The following WWTR1 variants were observed in gnomAD, a reference collection of about 807,000 sequenced individuals.
WWTR1 encodes WW domain containing transcription regulator 1, also known as WW domain-containing transcription regulator protein 1.
WWTR1 carries 13 observed loss-of-function variants against 40.1 expected under a neutral mutation model. The ratio of observed to expected loss-of-function variants is 0.32; its 90% CI spans 0.21 to 0.52. The LOEUF (loss-of-function observed/expected upper bound fraction) is 0.52, where lower values mean the gene tolerates loss of function less well. Ranked by LOEUF, WWTR1 falls within the 20% of genes least tolerant of loss-of-function variation. WWTR1 has a pLI of 0.97. For synonymous variants in WWTR1, 230 were observed against 210.1 expected (o/e 1.09, Z -0.82); for missense variants, 436 against 523.1 (o/e 0.83, Z 1.63).
chr3:149,629,521 C>T (rs1711501151), intron 2 of WWTR1, among the ~76,000 whole-genome samples: 1 of 152,204 alleles, frequency 6.6e-6, no homozygotes, highest in African/African-American at 2.4e-5. Flanking sequence ...CACTCCTATG[C>T]TTTGCCATTT....
At chr3:149,653,951 C>G (rs1713051901) in intron 2 of WWTR1, among the ~76,000 whole-genome samples, 1 of 152,082 alleles carries the variant, frequency 6.6e-6, no homozygotes, top group Admixed American at 6.6e-5. Context: ...ATAAAGCTCT[C>G]AACTCCCAAC....
intron 3 of WWTR1, among the ~76,000 whole-genome samples, chr3:149,549,567 A>G (rs1356229492): frequency 6.6e-6 from 1 of 152,212 alleles, no homozygotes; most frequent in Admixed American, 6.5e-5. Flanking sequence ...GCTGAGCGCC[A>G]TGGCTCACGC....
chr3:149,529,842 A>C (rs1735483905), intron 4 of WWTR1, among the ~76,000 whole-genome samples: 1 of 152,166 alleles, frequency 6.6e-6, no homozygotes, highest in South Asian at 2.1e-4. Flanking sequence ...ATCAATGGTA[A>C]ATTTCTAATA....
chr3:149,622,505 G>GAAAGAAAGAAAGA (rs1553800292), intron 2 of WWTR1, among the ~76,000 whole-genome samples: 5 of 137,522 alleles, frequency 3.6e-5, no homozygotes, highest in African/African-American at 1.4e-4. Context: ...AAGGAAGGAA[G>GAAAGAAAGAAAGA]AAAGAAAGAA....
chr3:149,639,810 G>A (rs1712046513), intron 2 of WWTR1, among the ~76,000 whole-genome samples: 2 of 151,754 alleles, frequency 1.3e-5, no homozygotes, highest in Non-Finnish European at 1.5e-5. Flanking sequence ...TGGCTAACAC[G>A]GTGAAATCCC....
intron 2 of WWTR1, among the ~76,000 whole-genome samples, chr3:149,636,989 A>AAAAAG (rs1553802418): frequency 9.3e-5 from 14 of 150,768 alleles, no homozygotes; most frequent in African/African-American, 3.4e-4. Context: ...AAAAAAAAAA[A>AAAAAG]AGAGAGAAGT....
intron 2 of WWTR1, among the ~76,000 whole-genome samples, chr3:149,665,538 A>C (rs7615481): frequency 0.39 from 59,263 of 151,936 alleles, 11,733 homozygotes; most frequent in Middle Eastern, 0.55. Flanking sequence ...AAATTTCCTA[A>C]ATATTTAAGA....
At chr3:149,618,037 C>T (rs1740075456) in intron 2 of WWTR1, among the ~76,000 whole-genome samples, 1 of 152,156 alleles carries the variant, frequency 6.6e-6, no homozygotes, top group South Asian at 2.1e-4. Flanking sequence ...ATTTTTCCCC[C>T]TTAATTAACA....
intron 3 of WWTR1, among the ~76,000 whole-genome samples, chr3:149,559,221 G>A (rs1181808220): frequency 6.8e-6 from 1 of 146,024 alleles, no homozygotes; most frequent in Non-Finnish European, 1.5e-5. Context: ...TTGAACCCAG[G>A]AGATGGAGGT....
intron 4 of WWTR1, among the ~76,000 whole-genome samples, chr3:149,530,325 G>A (rs1363305382): frequency 6.7e-6 from 1 of 149,652 alleles, no homozygotes. Flanking sequence ...TCCAGCCTGG[G>A]CGACAAAGCG....
intron 2 of WWTR1, among the ~76,000 whole-genome samples, chr3:149,629,879 C>A (rs756777278): frequency 3.3e-5 from 5 of 152,122 alleles, no homozygotes; most frequent in Non-Finnish European, 7.4e-5. Context: ...CAGGGTCATG[C>A]TCTGTCACCC....
chr3:149,701,705 G>A (rs1715184566), intron 1 of WWTR1: 1 of 175,544 alleles, frequency 5.7e-6, no homozygotes, highest in Non-Finnish European at 1.2e-5. Context: ...AGTTTCTTTG[G>A]TTAGTTTTGC....
At chr3:149,592,264 T>C (rs1738764457) in intron 2 of WWTR1, among the ~76,000 whole-genome samples, 1 of 152,252 alleles carries the variant, frequency 6.6e-6, no homozygotes, top group African/African-American at 2.4e-5. Flanking sequence ...TCATTTTATG[T>C]GTAACTTTTT....
At chr3:149,685,549 C>T (rs1332686519) in intron 1 of WWTR1, among the ~76,000 whole-genome samples, 1 of 152,192 alleles carries the variant, frequency 6.6e-6, no homozygotes, top group African/African-American at 2.4e-5. Flanking sequence ...CAACCAAAAC[C>T]TTCTTCAGGC....
chr3:149,616,303 T>C (rs148700465), intron 2 of WWTR1, among the ~76,000 whole-genome samples: 146 of 152,328 alleles, frequency 9.6e-4, no homozygotes, highest in African/African-American at 3.2e-3. Context: ...TTTCTGCCTA[T>C]GAAAATTTGA....
At chr3:149,593,593 T>C (rs1456032110) in intron 2 of WWTR1, among the ~76,000 whole-genome samples, 1 of 152,228 alleles carries the variant, frequency 6.6e-6, no homozygotes, top group Non-Finnish European at 1.5e-5. Context: ...AGCTCCCCTG[T>C]AATTGACTGC....
intron 1 of WWTR1, chr3:149,670,653 A>AG (rs1714042135): frequency 1.3e-5 from 2 of 151,034 alleles, no homozygotes; most frequent in African/African-American, 4.9e-5. Flanking sequence ...CAAAAAAAAA[A>AG]AAAAAGAAAA....
chr3:149,606,323 G>A (rs759668804), intron 2 of WWTR1, among the ~76,000 whole-genome samples: 14 of 152,118 alleles, frequency 9.2e-5, no homozygotes, highest in Non-Finnish European at 1.6e-4. Flanking sequence ...TCAAAAATGT[G>A]TCTGCTATAT....
At chr3:149,529,302 C>A (rs1735464902) in intron 4 of WWTR1, among the ~76,000 whole-genome samples, 2 of 152,108 alleles carry the variant, frequency 1.3e-5, no homozygotes. Context: ...CATGATGTGA[C>A]TTTAGAGGGT....
Sources: gnomAD v4.1 joint callset for allele counts (sites outside exome capture counted in the v4.1 genomes callset) on GRCh38, gnomAD v4.1.1 for gene constraint, MANE v1.5 for transcripts, NCBI Gene and HGNC (gene_info 2026-07-23, HGNC 2026-07-21) for gene names.